The following RPTOR variants were observed in gnomAD, a reference collection of about 807,000 sequenced individuals.
The protein encoded by RPTOR is regulatory associated protein of MTOR complex 1.
Under a neutral mutation model 169.9 loss-of-function variants are expected in RPTOR, and 21 were observed. The observed-to-expected ratio is 0.12, with a 90% CI of 0.09 to 0.18. The LOEUF is 0.18. RPTOR is among the 10% of genes least tolerant of loss of function. The pLI, the probability that RPTOR is intolerant of heterozygous loss-of-function variation, is 1.00. For synonymous variants in RPTOR, 732 were observed against 753.2 expected (o/e 0.97, Z 0.46); for missense variants, 1,133 against 1,855.9 (o/e 0.61, Z 7.16).
At chr17:80,791,560 T>C (rs1234433227) in intron 7 of RPTOR, 51 bp downstream of exon 7, 13 of 1,544,214 alleles carry the variant, frequency 8.4e-6, no homozygotes, top group Non-Finnish European at 1.1e-5. Context: ...ATGAGTTTCT[T>C]TTCCTTTTTG....
chr17:80,808,881 C>T (rs1348562136), intron 7 of RPTOR, among the ~76,000 whole-genome samples: 2 of 152,054 alleles, frequency 1.3e-5, no homozygotes, highest in Non-Finnish European at 2.9e-5. Context: ...AGTAACAGCC[C>T]GTCACCCTGT....
chr17:80,662,318 C>T (rs983906204), intron 3 of RPTOR, among the ~76,000 whole-genome samples: 36 of 152,148 alleles, frequency 2.4e-4, no homozygotes, highest in African/African-American at 6.5e-4. Context: ...AACCAATTCA[C>T]GGAGGCTGCA....
Position 80,959,367 on chromosome 17 carries a change from G to A in RPTOR, c.3478-711G>A, listed in dbSNP as rs945587120. 5.3e-5 allele frequency among the ~76,000 whole-genome samples: 8 copies of A among 152,184 alleles called. No individual in the cohort carries two copies. Among genetic ancestry groups the A allele is most frequent in the Non-Finnish European group, 1.2e-4 (8 of 68,010 alleles). On this transcript the variant is annotated intron_variant, in intron 29 of 33. Transcript: ENST00000306801. The surrounding 1 kb of genome is among the most constrained non-coding windows in gnomAD (Gnocchi z 6.7). ...GGCCTGCGGGGCAGGTGCTGTTCCT[G>A]CAGAGGTGGGTGGAGGCACAGAGCG...
At chr17:80,962,174 C>G (rs1199470237) in intron 31 of RPTOR, among the ~76,000 whole-genome samples, 2 of 152,192 alleles carry the variant, frequency 1.3e-5, no homozygotes, top group Non-Finnish European at 1.5e-5. Context: ...AGCCTCCTCC[C>G]GCATCTGTGC....
intron 21 of RPTOR, among the ~76,000 whole-genome samples, chr17:80,921,037 C>T (rs1056956366): frequency 7.2e-5 from 11 of 152,180 alleles, no homozygotes; most frequent in African/African-American, 2.7e-4. Context: ...CATTTTCTTG[C>T]TATTTGCGTT....
chr17:80,864,037 G>A (rs753700074), intron 13 of RPTOR, among the ~76,000 whole-genome samples: 6 of 152,182 alleles, frequency 3.9e-5, no homozygotes, highest in Admixed American at 6.5e-5. Flanking sequence ...GTGACATAAC[G>A]TACTATTTGG....
chr17:80,798,881 TGGG>T (rs2067127743), intron 7 of RPTOR, among the ~76,000 whole-genome samples: 1 of 152,224 alleles, frequency 6.6e-6, no homozygotes. Context: ...CACGGTTGTC[TGGG>T]TGACACCCCC....
Position 80,895,498 on chromosome 17 carries a change from C to T in RPTOR, c.2401+1633C>T, listed in dbSNP as rs76876233. 2.6e-3 allele frequency among the ~76,000 whole-genome samples: 401 copies of T among 152,370 alleles called. 8 individuals carry two copies. The East Asian group carries it at 0.066, about 25-fold the overall frequency. On this transcript the variant is annotated intron_variant, in intron 20 of 33. Coordinates refer to ENST00000306801, the MANE Select transcript of RPTOR (RefSeq NM_020761.3). ...AGAGCCGCACGTGCAGGAACCCAGC[C>T]TTGTTAACCACTGTCTCCTCCCACC...
At position 80,823,674 on chromosome 17, in the gene RPTOR, CACACAA is replaced by C. The variant is rs1380419087; in HGVS notation, c.1136+452_1136+457del. The C allele has an allele frequency of 6.6e-6, 1 of 151,626 alleles. No individual in the cohort carries two copies. The highest frequency in any genetic ancestry group is 2.7e-5 in the African/African-American group (1 of 37,730). The allele number at this position is 151,626 out of a possible 1,614,324, so 9.4% of individuals were successfully genotyped here. A position where few individuals can be genotyped will look rare whatever the true frequency, so the allele number is the denominator to read the frequency against. Reference sequence around the variant, plus strand: ...ACACACACACACACACACACACACACACACAACGCTCATAAGTGTAATCCTTTATGA... The same window carrying C: ...ACACACACACACACACACACACACACCGCTCATAAGTGTAATCCTTTATGA... On this transcript the variant is annotated intron_variant, in intron 9 of 33. Coordinates refer to ENST00000306801, the MANE Select transcript of RPTOR (RefSeq NM_020761.3). This position sits in a 1 kb window ranked among gnomAD's most constrained non-coding sequence, Gnocchi z 4.5.
chr17:80,904,926 T>A (rs9905972), intron 20 of RPTOR, among the ~76,000 whole-genome samples: 1 of 152,180 alleles, frequency 6.6e-6, no homozygotes, highest in Non-Finnish European at 1.5e-5. Context: ...GATTTTTTTT[T>A]CCCCTGTTGA....
intron 4 of RPTOR, among the ~76,000 whole-genome samples, chr17:80,715,019 A>G (rs1023858609): frequency 2.6e-5 from 4 of 152,260 alleles, no homozygotes; most frequent in Non-Finnish European, 2.9e-5. Flanking sequence ...TACTGTGCTC[A>G]GCCTAAAATC....
At chr17:80,627,901 C>T (rs1223663167) in intron 2 of RPTOR, among the ~76,000 whole-genome samples, 6 of 151,010 alleles carry the variant, frequency 4.0e-5, no homozygotes, top group African/African-American at 4.9e-5. Flanking sequence ...TGCAATGGCA[C>T]GATCTTGGCT....
At chr17:80,793,663 C>T (rs966855250) in intron 7 of RPTOR, among the ~76,000 whole-genome samples, 3 of 152,054 alleles carry the variant, frequency 2.0e-5, no homozygotes, top group East Asian at 1.9e-4. Flanking sequence ...CAGAGCCCCC[C>T]GGTCACCTGT....
intron 7 of RPTOR, among the ~76,000 whole-genome samples, chr17:80,816,315 G>A (rs1046000072): frequency 6.6e-6 from 1 of 152,212 alleles, no homozygotes; most frequent in African/African-American, 2.4e-5. Context: ...TCTTTGGGAG[G>A]CCTGGCTGGC....
At chr17:80,710,419 G>A (rs1598245601) in intron 4 of RPTOR, among the ~76,000 whole-genome samples, 1 of 152,064 alleles carries the variant, frequency 6.6e-6, no homozygotes, top group East Asian at 1.9e-4. Context: ...CCTCGCAGAG[G>A]GAGAGTTTCT....
chr17:80,664,868 T>G (rs570566230), intron 3 of RPTOR, among the ~76,000 whole-genome samples: 3 of 152,228 alleles, frequency 2.0e-5, no homozygotes, highest in African/African-American at 7.2e-5. Flanking sequence ...CTTTTCTAAA[T>G]TTTATGTTTA....
rs937600281 is a variant in RPTOR, at chr17:80,592,304, C to T, written c.163-33387C>T. 7.2e-5 allele frequency among the ~76,000 whole-genome samples: 11 copies of T among 152,132 alleles called. No individual in the cohort carries two copies. In the East Asian group the frequency reaches 7.7e-4, roughly 11 times the overall value. On this transcript the variant is annotated intron_variant, in intron 1 of 33. Transcript: ENST00000306801. ...ATACAACTCAGGTGTGCTAGAGATC[C>T]GCTGTGTGGTTTCATGCAGGGGGTG...
intron 13 of RPTOR, among the ~76,000 whole-genome samples, chr17:80,866,913 C>G (rs906782037): frequency 6.6e-6 from 1 of 152,110 alleles, no homozygotes; most frequent in African/African-American, 2.4e-5. Flanking sequence ...ACTTTTACTA[C>G]AAAGAAAACT....
chr17:80,794,319 C>A (rs1288590214), intron 7 of RPTOR, among the ~76,000 whole-genome samples: 1 of 152,102 alleles, frequency 6.6e-6, no homozygotes, highest in African/African-American at 2.4e-5. Flanking sequence ...TTAGGGATGG[C>A]AAATATGCTT....
Sources: gnomAD v4.1 joint callset for allele counts (sites outside exome capture counted in the v4.1 genomes callset) on GRCh38, gnomAD v4.1.1 for gene constraint, Gnocchi (gnomAD v3.1) non-coding constraint, MANE v1.5 for transcripts, NCBI Gene and HGNC (gene_info 2026-07-23, HGNC 2026-07-21) for gene names.